Variants in CSMD1 observed in about 807,000 individuals in gnomAD.
CSMD1 encodes the protein CUB and Sushi multiple domains 1, also known as CUB and sushi domain-containing protein 1.
CSMD1 carries 213 observed loss-of-function variants against 417.5 expected under a neutral mutation model. The ratio of observed to expected loss-of-function variants is 0.51; its 90% confidence interval spans 0.46 to 0.57. The LOEUF is 0.57. Among genes scored for constraint, CSMD1 ranks in the 20% least tolerant of loss-of-function variants. The pLI, the probability that CSMD1 is intolerant of heterozygous loss-of-function variation, is 0.00. For synonymous variants in CSMD1, 2,862 were observed against 1,736.8 expected (o/e 1.65, Z -16.11); for missense variants, 6,923 against 4,529.7 (o/e 1.53, Z -15.17).
At chr8:4,806,242 A>T (rs1429998800) in intron 1 of CSMD1, among the ~76,000 whole-genome samples, 1 of 152,162 alleles carries the variant, frequency 6.6e-6, no homozygotes, top group African/African-American at 2.4e-5. Context: ...TAGCTTACTG[A>T]GGATCATGCA....
chr8:4,533,777 G>C (rs1212758836), intron 2 of CSMD1, among the ~76,000 whole-genome samples: 3 of 151,514 alleles, frequency 2.0e-5, no homozygotes, highest in East Asian at 1.9e-4. Flanking sequence ...TTTAATAAAA[G>C]TACACTGTAA....
At chr8:3,765,370 C>G (rs1798209722) in intron 5 of CSMD1, among the ~76,000 whole-genome samples, 2 of 152,138 alleles carry the variant, frequency 1.3e-5, no homozygotes, top group African/African-American at 2.4e-5. Context: ...CTCTCCTTGT[C>G]TTTAATAGAC....
intron 3 of CSMD1, among the ~76,000 whole-genome samples, chr8:4,333,350 G>A (rs1023869362): frequency 1.3e-5 from 2 of 152,094 alleles, no homozygotes; most frequent in African/African-American, 4.8e-5. Flanking sequence ...GAAAGGGCGA[G>A]CGCAGGGTTA....
intron 1 of CSMD1, among the ~76,000 whole-genome samples, chr8:4,823,483 A>G (rs536340938): frequency 1.3e-5 from 2 of 152,150 alleles, no homozygotes; most frequent in African/African-American, 4.8e-5. Flanking sequence ...CGAGGATTCC[A>G]TAGAATAATG....
chr8:4,018,693 G>C (rs1007940804), intron 4 of CSMD1, among the ~76,000 whole-genome samples: 9 of 152,150 alleles, frequency 5.9e-5, no homozygotes, highest in Non-Finnish European at 1.3e-4. Flanking sequence ...TTTTAAGTTA[G>C]GTTCTTTTAG....
intron 5 of CSMD1, among the ~76,000 whole-genome samples, chr8:3,850,884 A>G (rs1803859114): frequency 6.6e-6 from 1 of 152,178 alleles, no homozygotes; most frequent in African/African-American, 2.4e-5. Context: ...TTTCAGCATT[A>G]TTATCACAGG....
At position 3,106,622 on chromosome 8, in the gene CSMD1, C is replaced by T. The variant is rs1180847546; in HGVS notation, c.6855G>A (p.Gln2285=). 3 of 1,612,796 alleles carry T rather than the reference C, an allele frequency of 1.9e-6. No individual in the cohort carries two copies. The highest frequency in any genetic ancestry group is 1.7e-5 in the Admixed American group (1 of 59,942). ...DFEIGDFVKY[Q]CHPGYTLVGT... ...CCACCAAGGTGTACCCGGGGTGGCACTGGTACTTCACAAAATCTCCTAGAA... is the reference window on the plus strand; with the variant it reads ...CCACCAAGGTGTACCCGGGGTGGCATTGGTACTTCACAAAATCTCCTAGAA... Residue 2285 remains glutamine (Q), a synonymous_variant, in exon 46 of 70, where the codon CAG becomes CAA. Coordinates refer to ENST00000635120, the MANE Select transcript of CSMD1 (RefSeq NM_033225.6).
intron 7 of CSMD1, among the ~76,000 whole-genome samples, chr8:3,629,810 C>T (rs1458121765): frequency 6.6e-6 from 1 of 152,150 alleles, no homozygotes; most frequent in Non-Finnish European, 1.5e-5. Flanking sequence ...GGCTAAAAGA[C>T]ATAACTTCGG....
chr8:4,076,784 C>T (rs1057316537), intron 3 of CSMD1, among the ~76,000 whole-genome samples: 2 of 152,142 alleles, frequency 1.3e-5, no homozygotes, highest in Non-Finnish European at 2.9e-5. Flanking sequence ...GAACAACAAC[C>T]ATATCAGAGT....
In CSMD1 at chr8:4,661,737, T is replaced by C. The variant is rs144472586; in HGVS notation, c.86-24179A>G. Among the ~76,000 whole-genome samples, 447 of 152,284 alleles carry C rather than the reference T, an allele frequency of 2.9e-3. 7 individuals are homozygous for C. Among genetic ancestry groups the C allele is most frequent in the Non-Finnish European group, 5.6e-4 (38 of 67,992 alleles). The stretch of plus-strand genomic sequence containing the variant: ...TAAAAAGTTTAATTTCAAAACAAAA[T>C]ATAGACTAAGATCAATGTTTTTATA... On this transcript the variant is annotated intron_variant, in intron 1 of 69. Coordinates refer to ENST00000635120, the MANE Select transcript of CSMD1 (RefSeq NM_033225.6).
At chr8:3,020,929 A>C (rs1809318130) in intron 51 of CSMD1, among the ~76,000 whole-genome samples, 1 of 152,242 alleles carries the variant, frequency 6.6e-6, no homozygotes, top group African/African-American at 2.4e-5. Flanking sequence ...GAACTCGAGT[A>C]GGATTTAGAT....
chr8:4,104,858 A>G (rs1357377992), intron 3 of CSMD1, among the ~76,000 whole-genome samples: 1 of 152,188 alleles, frequency 6.6e-6, no homozygotes, highest in African/African-American at 2.4e-5. Flanking sequence ...GCTTAGCCTT[A>G]CATTTTTAGG....
intron 3 of CSMD1, among the ~76,000 whole-genome samples, chr8:4,195,869 A>C (rs1395355398): frequency 6.6e-6 from 1 of 152,124 alleles, no homozygotes; most frequent in South Asian, 2.1e-4. Flanking sequence ...AGCATGCGAG[A>C]CTTACGGCAG....
intron 5 of CSMD1, among the ~76,000 whole-genome samples, chr8:3,981,406 G>C (rs1011428491): frequency 2.7e-5 from 4 of 150,202 alleles, no homozygotes; most frequent in African/African-American, 7.3e-5. Flanking sequence ...ATACTGCTTA[G>C]GTGATGGGTG....
intron 3 of CSMD1, among the ~76,000 whole-genome samples, chr8:4,070,270 A>C (rs756549855): frequency 3.2e-4 from 48 of 152,160 alleles, no homozygotes; most frequent in Non-Finnish European, 6.2e-4. Flanking sequence ...TCAAACTCTA[A>C]AACATAATGT....
At chr8:4,344,263 T>A (rs1328118237) in intron 3 of CSMD1, among the ~76,000 whole-genome samples, 1 of 152,132 alleles carries the variant, frequency 6.6e-6, no homozygotes. Flanking sequence ...TTACACGTGT[T>A]CATTCAATTG....
chr8:4,482,030 C>T (rs1443039100), intron 2 of CSMD1, among the ~76,000 whole-genome samples: 2 of 152,182 alleles, frequency 1.3e-5, no homozygotes, highest in African/African-American at 4.8e-5. Context: ...TCTCCTGCCA[C>T]ACCCTTCCAT....
rs191360983 is a variant in CSMD1, at chr8:3,010,157, G to T, written c.8029+8320C>A. Among the ~76,000 whole-genome samples the T allele has an allele frequency of 3.1e-3, 477 of 152,230 alleles. 2 individuals carry two copies. Among genetic ancestry groups the T allele is most frequent in the Non-Finnish European group, 4.5e-3 (305 of 68,008 alleles). On this transcript the variant is annotated intron_variant, in intron 52 of 69. Coordinates refer to ENST00000635120, the MANE Select transcript of CSMD1 (RefSeq NM_033225.6). ...TTCCACAAACCCCAAAGGAAGAGCT[G>T]CCCATTCATACAGGAGGCAAAGATC... is the stretch of plus-strand genomic sequence containing the variant.
intron 2 of CSMD1, among the ~76,000 whole-genome samples, chr8:4,514,356 C>G (rs1183826173): frequency 2.0e-5 from 3 of 152,082 alleles, no homozygotes; most frequent in Non-Finnish European, 4.4e-5. Flanking sequence ...TACTGCAGAT[C>G]AGAAGTAAAA....
Sources: allele counts gnomAD v4.1 joint callset (sites outside exome capture counted in the v4.1 genomes callset), GRCh38; gene constraint gnomAD v4.1.1; transcripts MANE v1.5; gene names NCBI Gene and HGNC (gene_info 2026-07-23, HGNC 2026-07-21).